Variants in PCDHGB2 observed in about 807,000 individuals in gnomAD.
PCDHGB2 encodes protocadherin gamma-B2.
In PCDHGB2, 55 loss-of-function variants were observed where a neutral mutation model predicts 59.3. The ratio of observed to expected loss-of-function variants is 0.93; its 90% CI spans 0.75 to 1.16. PCDHGB2 has a LOEUF of 1.16. Ranked by LOEUF, PCDHGB2 falls within the 50% of genes most tolerant of loss-of-function variation. PCDHGB2 has a pLI of 0.00. For missense variants in PCDHGB2, 1,228 were observed against 1,198.5 expected (o/e 1.02, Z -0.36); for synonymous variants, 516 against 512.0 (o/e 1.01, Z -0.11).
rs1562063782 is a variant in PCDHGB2, at chr5:141,477,676, A to G, written c.2422-17131A>G. ...TAAATCGTGACAATGGCATAGTGTC[A>G]TCCTTAGTGCCCCTAGACTATGAGG... On this transcript the variant is annotated intron_variant, in intron 1 of 3. Coordinates refer to ENST00000522605, the MANE Select transcript of PCDHGB2 (RefSeq NM_018923.3). This position sits in a 1 kb window ranked among gnomAD's most constrained non-coding sequence, Gnocchi z 4.9. The G allele has an allele frequency of 1.2e-6, 2 of 1,614,194 alleles. No homozygotes were observed. The highest frequency in any genetic ancestry group is 1.7e-6 in the Non-Finnish European group (2 of 1,180,046).
chr5:141,413,283 C>G (rs377443382), intron 1 of PCDHGB2: 1 of 1,613,966 alleles, frequency 6.2e-7, no homozygotes, highest in Admixed American at 1.7e-5. Context: ...GGCAGATCTC[C>G]TACTCAATTC....
At chr5:141,480,695 C>T (rs2099523656) in intron 1 of PCDHGB2, among the ~76,000 whole-genome samples, 2 of 152,146 alleles carry the variant, frequency 1.3e-5, no homozygotes, top group African/African-American at 4.8e-5. Context: ...GAAACCCAGG[C>T]CACACCCCGA....
intron 1 of PCDHGB2, chr5:141,422,369 G>A (rs890803753): frequency 6.4e-7 from 1 of 1,566,400 alleles, no homozygotes; most frequent in Non-Finnish European, 8.6e-7. Flanking sequence ...GGAGAAAATG[G>A]TCAAGTCTCC....
chr5:141,505,338 G>T, intron 2 of PCDHGB2, 55 bp from the exon 3 acceptor site: 1 of 1,612,254 alleles, frequency 6.2e-7, no homozygotes, highest in South Asian at 1.1e-5. Flanking sequence ...GGACAGGAGG[G>T]GCATGAGCTG....
intron 1 of PCDHGB2, chr5:141,478,134 C>A (rs2099431418): frequency 6.2e-7 from 1 of 1,614,074 alleles, no homozygotes; most frequent in African/African-American, 1.3e-5. Flanking sequence ...TCTCCTGAAG[C>A]CCGAGCCGAG....
chr5:141,388,334 A>G (rs2091318945), intron 1 of PCDHGB2: 2 of 1,613,972 alleles, frequency 1.2e-6, no homozygotes, highest in South Asian at 1.1e-5. Flanking sequence ...AGCCTGGCAC[A>G]CGATTTATAT....
At chr5:141,478,926 G>A in intron 1 of PCDHGB2, 1 of 687,216 alleles carries the variant, frequency 1.5e-6, no homozygotes, top group Non-Finnish European at 2.3e-6. Flanking sequence ...CTAACCAGTG[G>A]CAGCTTCTAG....
chr5:141,449,066 A>G (rs1234801725), intron 1 of PCDHGB2, among the ~76,000 whole-genome samples: 3 of 152,188 alleles, frequency 2.0e-5, no homozygotes, highest in African/African-American at 4.8e-5. Context: ...GCGCTATTGA[A>G]TAGCCCTGTA....
chr5:141,408,332 G>A, intron 1 of PCDHGB2: 1 of 1,613,912 alleles, frequency 6.2e-7, no homozygotes, highest in South Asian at 1.1e-5. Context: ...GCTGGCCAAG[G>A]GCTCGGTGGT....
chr5:141,413,365 G>A (rs1046513869), intron 1 of PCDHGB2: 14 of 1,614,000 alleles, frequency 8.7e-6, no homozygotes, highest in Non-Finnish European at 1.2e-5. Flanking sequence ...CCGGGAGCTG[G>A]CGGAGCGCGG....
chr5:141,392,614 C>T (rs1000219739), intron 1 of PCDHGB2: 3 of 532,708 alleles, frequency 5.6e-6, no homozygotes, highest in African/African-American at 1.9e-5. Flanking sequence ...ACAAATGCAA[C>T]CGAAAACACT....
rs1412764202 is a variant in PCDHGB2, at chr5:141,486,708, C to T, written c.2422-8099C>T. The T allele has an allele frequency of 1.2e-6, 2 of 1,614,062 alleles. No individual in the cohort carries two copies. Among genetic ancestry groups the T allele is most frequent in the Non-Finnish European group, 1.7e-6 (2 of 1,180,054 alleles). ...GCTTCCTCTTTCATCTCTCTGAACC[C>T]CCAGACAGGAGCTGTTCATGCTACT... On this transcript the variant is annotated intron_variant, in intron 1 of 3. Coordinates refer to ENST00000522605, the MANE Select transcript of PCDHGB2 (RefSeq NM_018923.3). This position sits in a 1 kb window ranked among gnomAD's most constrained non-coding sequence, Gnocchi z 5.0.
chr5:141,501,333 A>ACACACACC (rs1186649373), intron 2 of PCDHGB2, among the ~76,000 whole-genome samples: 1 of 140,020 alleles, frequency 7.1e-6, no homozygotes, highest in African/African-American at 2.6e-5. Context: ...ACACACACAC[A>ACACACACC]CCCCAAACTC....
intron 1 of PCDHGB2, chr5:141,422,451 C>A: frequency 6.2e-7 from 1 of 1,611,518 alleles, no homozygotes; most frequent in East Asian, 2.2e-5. Context: ...TGATAACAAG[C>A]AGAGTGCTGG....
chr5:141,460,649 A>G (rs1171722531), intron 1 of PCDHGB2, among the ~76,000 whole-genome samples: 2 of 152,152 alleles, frequency 1.3e-5, no homozygotes, highest in Non-Finnish European at 2.9e-5. Flanking sequence ...GTGTTTACAC[A>G]TATGTAACTG....
chr5:141,439,965 T>C (rs1212358198), intron 1 of PCDHGB2: 1 of 152,760 alleles, frequency 6.5e-6, no homozygotes, highest in Non-Finnish European at 1.5e-5. Flanking sequence ...CGTTATTCAG[T>C]CCTAGAGGAG....
At position 141,430,558 on chromosome 5, in the gene PCDHGB2, G is replaced by A. The variant is rs1472516429; in HGVS notation, c.2422-64249G>A. 2.2e-5 allele frequency: 9 copies of A among 417,488 alleles called. No homozygotes were observed. In the East Asian group the frequency reaches 3.3e-4, roughly 15 times the overall value. The allele number at this position is 417,488 out of a possible 1,614,324, so 25.9% of individuals were successfully genotyped here. On this transcript the variant is annotated intron_variant, in intron 1 of 3. Transcript: ENST00000522605. ...TCTGAGCGCCGCTGTTCACCAATCGGGGAGAGAAAAGCGGAGATCCTGCTC... is the reference window on the plus strand; with the variant it reads ...TCTGAGCGCCGCTGTTCACCAATCGAGGAGAGAAAAGCGGAGATCCTGCTC...
Position 141,511,617 on chromosome 5 carries a change from C to T in PCDHGB2, c.*444C>T, listed in dbSNP as rs1562253545. The T allele has an allele frequency of 4.3e-6, 1 of 233,232 alleles. No homozygotes were observed. Among genetic ancestry groups the T allele is most frequent in the African/African-American group, 2.2e-5 (1 of 45,220 alleles). The allele number at this position is 233,232 out of a possible 1,614,324, so 14.4% of individuals were successfully genotyped here. A position where few individuals can be genotyped will look rare whatever the true frequency, so the allele number is the denominator to read the frequency against. Reference sequence around the variant, plus strand: ...CAAGTAACCTACAAGCCTCCTAGTTCTGAAAAGTTGGAAGGGCATCATGAC... The same window carrying T: ...CAAGTAACCTACAAGCCTCCTAGTTTTGAAAAGTTGGAAGGGCATCATGAC... On this transcript the variant is annotated 3_prime_UTR_variant, in exon 4 of 4. Coordinates refer to ENST00000522605, the MANE Select transcript of PCDHGB2 (RefSeq NM_018923.3).
chr5:141,433,939 A>T (rs1015984226), intron 1 of PCDHGB2, among the ~76,000 whole-genome samples: 2 of 151,714 alleles, frequency 1.3e-5, no homozygotes, highest in Non-Finnish European at 2.9e-5. Context: ...TTATAATTCC[A>T]TTGTTTCTTC....
Sources: gnomAD v4.1 joint callset for allele counts (sites outside exome capture counted in the v4.1 genomes callset) on GRCh38, gnomAD v4.1.1 for gene constraint, Gnocchi (gnomAD v3.1) non-coding constraint, MANE v1.5 for transcripts, NCBI Gene and HGNC (gene_info 2026-07-23, HGNC 2026-07-21) for gene names.